DGKD: variants seen among roughly 807,000 people sequenced by gnomAD.
DGKD encodes DAG kinase delta.
A neutral mutation model predicts 154.4 loss-of-function variants in DGKD; 68 were observed. The observed-to-expected ratio is 0.44, with a 90% CI of 0.36 to 0.54. The LOEUF (loss-of-function observed/expected upper bound fraction) is 0.54. Ranked by LOEUF, DGKD falls within the 20% of genes least tolerant of loss-of-function variation. The probability of loss-of-function intolerance (pLI) is 0.00; values close to 1 mark genes in which losing one functional copy is unlikely to be tolerated. For synonymous variants in DGKD, 693 were observed against 638.0 expected (o/e 1.09, Z -1.30); for missense variants, 1,343 against 1,593.6 (o/e 0.84, Z 2.68).
Position 233,451,035 on chromosome 2 carries a change from A to G in DGKD, c.2152A>G (p.Lys718Glu), listed in dbSNP as rs757119378. 1.2e-5 allele frequency: 19 copies of G among 1,610,888 alleles called. No individual in the cohort carries two copies. The highest frequency in any genetic ancestry group is 1.5e-5 in the Non-Finnish European group (18 of 1,177,454). Residue 718 changes from lysine (K) to glutamate (E), a missense_variant, in exon 17 of 30, where the codon AAG (lysine) becomes GAG (glutamate). Lys to Glu is a moderately conservative substitution (Grantham distance 56, BLOSUM62 1). Coordinates refer to ENST00000264057, the MANE Select transcript of DGKD (RefSeq NM_152879.3). ...SRDGLPALNT[K>E]ILYPNVRAGM... is the part of the protein sequence containing the mutation. The stretch of plus-strand genomic sequence containing the variant: ...GGACGGCCTGCCTGCGCTCAACACC[A>G]AGATCCTGTACCCAAGTGAGTGGCG...
At position 233,423,416 on chromosome 2, in the gene DGKD, G is replaced by A. The variant is rs1232896961; in HGVS notation, c.349-10964G>A. Among the ~76,000 whole-genome samples the A allele has an allele frequency of 3.3e-5, 5 of 152,322 alleles. 1 individual carries two copies. Among genetic ancestry groups the A allele is most frequent in the East Asian group, 1.9e-4 (1 of 5,182 alleles). ...CTCCATATTCTCTCCAGCAGGTGGT[G>A]TTGGCACTAGTTTCTGTTGTAGCCA... On this transcript the variant is annotated intron_variant, in intron 3 of 29. Coordinates refer to ENST00000264057, the MANE Select transcript of DGKD (RefSeq NM_152879.3).
intron 3 of DGKD, 87 bp downstream of exon 3, chr2:233,390,570 C>G (rs774753453): frequency 1.1e-6 from 1 of 940,270 alleles, no homozygotes; most frequent in Non-Finnish European, 1.7e-6. Context: ...GCAGTTCAAA[C>G]GTTTTCATTC....
intron 6 of DGKD, among the ~76,000 whole-genome samples, 181 bp from the exon 7 acceptor site, chr2:233,436,135 C>T (rs1415959175): frequency 2.0e-5 from 3 of 152,212 alleles, no homozygotes; most frequent in African/African-American, 4.8e-5. Context: ...TTTGCACCTC[C>T]GACAGGTGCT....
At chr2:233,361,161 A>C (rs1290808425) in intron 1 of DGKD, among the ~76,000 whole-genome samples, 1 of 152,148 alleles carries the variant, frequency 6.6e-6, no homozygotes, top group East Asian at 1.9e-4. Flanking sequence ...GGTTCTGCCA[A>C]AGGGCAACAG....
intron 3 of DGKD, among the ~76,000 whole-genome samples, chr2:233,410,499 C>T (rs1304287343): frequency 1.3e-5 from 2 of 152,114 alleles, no homozygotes; most frequent in African/African-American, 2.4e-5. Context: ...TCTAATCACA[C>T]CAATGAAGAG....
chr2:233,412,524 T>A (rs1407039018), intron 3 of DGKD, among the ~76,000 whole-genome samples: 1 of 150,112 alleles, frequency 6.7e-6, no homozygotes, highest in Non-Finnish European at 1.5e-5. Context: ...CTATATAAAG[T>A]TGTATCATTT....
chr2:233,446,097 C>T (rs955820266), intron 11 of DGKD, among the ~76,000 whole-genome samples: 5 of 152,204 alleles, frequency 3.3e-5, no homozygotes, highest in Admixed American at 6.5e-5. Flanking sequence ...TGCTCCTTGT[C>T]GTTTACTTGA....
chr2:233,421,081 A>G (rs1241185421), intron 3 of DGKD, among the ~76,000 whole-genome samples: 1 of 152,094 alleles, frequency 6.6e-6, no homozygotes, highest in African/African-American at 2.4e-5. Flanking sequence ...TTTCTTTTTT[A>G]ACATACCAAA....
intron 3 of DGKD, chr2:233,419,517 T>A: frequency 1.1e-6 from 1 of 883,320 alleles, no homozygotes; most frequent in Non-Finnish European, 1.4e-6. Flanking sequence ...GGAATTGAGC[T>A]TCCTTGTAAG....
intron 1 of DGKD, among the ~76,000 whole-genome samples, chr2:233,373,179 TGAG>T (rs1373610483): frequency 6.6e-6 from 1 of 152,136 alleles, no homozygotes; most frequent in Non-Finnish European, 1.5e-5. Flanking sequence ...GCCAGGTAAT[TGAG>T]GAGGTCAGCA....
In DGKD at chr2:233,440,322, C is replaced by T. The variant is rs371345149; in HGVS notation, c.1086-1565C>T. 2.6e-5 allele frequency among the ~76,000 whole-genome samples: 4 copies of T among 152,198 alleles called. No individual in the cohort carries two copies. Among genetic ancestry groups the T allele is most frequent in the East Asian group, 1.9e-4 (1 of 5,178 alleles). On this transcript the variant is annotated intron_variant, in intron 9 of 29. Transcript: ENST00000264057. This position sits in a 1 kb window ranked among gnomAD's most constrained non-coding sequence, Gnocchi z 4.9. The stretch of plus-strand genomic sequence containing the variant: ...TCTGTGTGGAGCCTGGGCTTGGTGC[C>T]GCATCACCTATGCCTGTCTGTCTTC...
rs1385263115 is a variant in DGKD, at chr2:233,452,475, C to T, written c.2264+415C>T. ...TTCCTCTTGCCATCCCTTCCCTCTG[C>T]TTTCCTCTAACACCTGCTCTCCTTG... is the stretch of plus-strand genomic sequence containing the variant. On this transcript the variant is annotated intron_variant, in intron 18 of 29. Coordinates refer to ENST00000264057, the MANE Select transcript of DGKD (RefSeq NM_152879.3). The surrounding 1 kb of genome is among the most constrained non-coding windows in gnomAD (Gnocchi z 4.0). Among the ~76,000 whole-genome samples the T allele has an allele frequency of 6.6e-6, 1 of 152,182 alleles. No homozygotes were observed. Among genetic ancestry groups the T allele is most frequent in the Non-Finnish European group, 1.5e-5 (1 of 68,032 alleles).
intron 1 of DGKD, among the ~76,000 whole-genome samples, chr2:233,369,729 G>A (rs1303816919): frequency 6.6e-6 from 1 of 152,192 alleles, no homozygotes; most frequent in African/African-American, 2.4e-5. Flanking sequence ...GGCCCAGGCT[G>A]TGTCTCTGCT....
At chr2:233,378,770 T>G (rs1702727368) in intron 1 of DGKD, among the ~76,000 whole-genome samples, 1 of 152,246 alleles carries the variant, frequency 6.6e-6, no homozygotes, top group South Asian at 2.1e-4. Context: ...CCCTTTGTAG[T>G]ATTTTGTAAA....
Position 233,438,456 on chromosome 2 carries a change from AGTTC to A in DGKD, c.1085+78_1085+81del. The stretch of plus-strand genomic sequence containing the variant: ...TAGTGTGTGCTTGTTAAAAAAAAAA[AGTTC>A]AAAGACACAAAGCTTTAAATAGGAA... On this transcript the variant is annotated intron_variant, in intron 9 of 29. Transcript: ENST00000264057. This position sits in a 1 kb window ranked among gnomAD's most constrained non-coding sequence, Gnocchi z 4.1. 1 of 1,378,840 alleles carries A rather than the reference AGTTC, an allele frequency of 7.3e-7. No homozygotes were observed. The highest frequency in any genetic ancestry group is 9.8e-7 in the Non-Finnish European group (1 of 1,017,022). The allele number at this position is 1,378,840 out of a possible 1,614,324, so 85.4% of individuals were successfully genotyped here. A position where few individuals can be genotyped will look rare whatever the true frequency, so the allele number is the denominator to read the frequency against.
intron 3 of DGKD, chr2:233,429,073 T>A: frequency 1.0e-6 from 1 of 974,446 alleles, no homozygotes; most frequent in Non-Finnish European, 1.2e-6. Context: ...TAGTGCCCAA[T>A]ACCCACAAAG....
intron 3 of DGKD, among the ~76,000 whole-genome samples, chr2:233,401,111 A>C (rs1232304464): frequency 1.3e-5 from 2 of 151,844 alleles, no homozygotes; most frequent in African/African-American, 4.8e-5. Context: ...TGTGAATCCT[A>C]GCTCAGCTTC....
At chr2:233,355,561 A>T (rs1456281330) in intron 1 of DGKD, among the ~76,000 whole-genome samples, 1 of 152,076 alleles carries the variant, frequency 6.6e-6, no homozygotes, top group Non-Finnish European at 1.5e-5. Flanking sequence ...TCCGGGGCGG[A>T]TTAGGTTCAG....
In DGKD at chr2:233,438,209, GC is replaced by G; in HGVS notation, c.923-7del. ...TATATATTTTCTTCTGTTCGTTCTT[GC>G]GTCCAGGGTTCTGGAAGGCCAGCTG... is the stretch of plus-strand genomic sequence containing the variant. On this transcript the variant is annotated splice_region_variant and splice_polypyrimidine_tract_variant and intron_variant, in intron 8 of 29. Transcript: ENST00000264057. The surrounding 1 kb of genome is among the most constrained non-coding windows in gnomAD (Gnocchi z 4.1). 1 of 1,612,776 alleles carries G rather than the reference GC, an allele frequency of 6.2e-7. No individual in the cohort carries two copies.
Sources: allele counts gnomAD v4.1 joint callset (sites outside exome capture counted in the v4.1 genomes callset), GRCh38; gene constraint gnomAD v4.1.1; non-coding constraint Gnocchi (gnomAD v3.1); transcripts MANE v1.5; gene names NCBI Gene and HGNC (gene_info 2026-07-23, HGNC 2026-07-21).